Variants in SATB2 observed in about 807,000 individuals in gnomAD.
SATB2 encodes DNA-binding protein SATB2.
SATB2 carries 1 observed loss-of-function variant against 73.4 expected under a neutral mutation model. That is an observed-to-expected ratio of 0.01 (90% confidence interval 0.00 to 0.06). The LOEUF (loss-of-function observed/expected upper bound fraction) is 0.06. Among genes scored for constraint, SATB2 ranks in the 10% least tolerant of loss-of-function variants. SATB2 has a pLI of 1.00. For missense variants in SATB2, 459 were observed against 945.8 expected (o/e 0.49, Z 6.75); for synonymous variants, 397 against 367.0 (o/e 1.08, Z -0.93).
intron 5 of SATB2, among the ~76,000 whole-genome samples, chr2:199,380,081 G>A (rs527799082): frequency 1.3e-5 from 2 of 151,864 alleles, no homozygotes; most frequent in East Asian, 2.0e-4. Flanking sequence ...ATGGGGTTTC[G>A]CCATGTTACC....
At chr2:199,292,252 T>A (rs559901171) in intron 10 of SATB2, among the ~76,000 whole-genome samples, 13 of 152,242 alleles carry the variant, frequency 8.5e-5, no homozygotes, top group Non-Finnish European at 1.3e-4. Flanking sequence ...AGCAATTAAC[T>A]GAAAGGTTTT....
chr2:199,391,188 G>A (rs1425642663), intron 3 of SATB2, among the ~76,000 whole-genome samples: 1 of 152,102 alleles, frequency 6.6e-6, no homozygotes, highest in South Asian at 2.1e-4. Flanking sequence ...GCTCACGCCT[G>A]TAATCCCAGC....
chr2:199,334,669 T>A (rs1198489868), intron 7 of SATB2, among the ~76,000 whole-genome samples: 1 of 152,144 alleles, frequency 6.6e-6, no homozygotes, highest in Non-Finnish European at 1.5e-5. Context: ...AATATCTGTG[T>A]CCAGCTGACA....
chr2:199,448,009 T>C (rs1692011721), intron 2 of SATB2, among the ~76,000 whole-genome samples: 1 of 152,184 alleles, frequency 6.6e-6, no homozygotes, highest in Non-Finnish European at 1.5e-5. Context: ...AACTCTCCAC[T>C]GCCTCAGAAG....
At chr2:199,289,591 C>A (rs890334273) in intron 10 of SATB2, among the ~76,000 whole-genome samples, 2 of 151,552 alleles carry the variant, frequency 1.3e-5, no homozygotes, top group African/African-American at 2.4e-5. Context: ...GAAACTGGAA[C>A]TGTCAAGTTA....
At chr2:199,333,836 T>C (rs550422618) in intron 7 of SATB2, among the ~76,000 whole-genome samples, 6 of 152,262 alleles carry the variant, frequency 3.9e-5, no homozygotes, top group African/African-American at 1.4e-4. Flanking sequence ...TAATTGTAAC[T>C]TAATGAGGCA....
intron 5 of SATB2, among the ~76,000 whole-genome samples, chr2:199,377,713 T>C (rs574155378): frequency 3.3e-5 from 5 of 152,092 alleles, no homozygotes; most frequent in African/African-American, 1.2e-4. Context: ...TGAGGAATTA[T>C]AAACAAGGAA....
intron 7 of SATB2, among the ~76,000 whole-genome samples, chr2:199,338,004 A>C (rs1440137143): frequency 6.6e-6 from 1 of 152,184 alleles, no homozygotes; most frequent in African/African-American, 2.4e-5. Flanking sequence ...TCATACTGTA[A>C]ATATAACATC....
At chr2:199,417,648 AAGCTATC>A (rs1691033726) in intron 3 of SATB2, among the ~76,000 whole-genome samples, 1 of 152,180 alleles carries the variant, frequency 6.6e-6, no homozygotes, top group African/African-American at 2.4e-5. Context: ...ACTAATTACA[AAGCTATC>A]AGTGAATATT....
At chr2:199,357,490 T>G (rs1358494490) in intron 6 of SATB2, among the ~76,000 whole-genome samples, 1 of 152,202 alleles carries the variant, frequency 6.6e-6, no homozygotes, top group African/African-American at 2.4e-5. Flanking sequence ...CTGAATAATC[T>G]TAACTTTAAA....
chr2:199,465,821 T>C (rs1692582648), upstream of SATB2, among the ~76,000 whole-genome samples: 2 of 152,242 alleles, frequency 1.3e-5, no homozygotes, highest in South Asian at 4.1e-4. Flanking sequence ...TCCTTATCAA[T>C]GTTAGCCTAA....
intron 3 of SATB2, among the ~76,000 whole-genome samples, chr2:199,386,732 A>G (rs1421119131): frequency 6.4e-4 from 59 of 92,842 alleles, no homozygotes; most frequent in African/African-American, 1.6e-3. Flanking sequence ...ACACACACAC[A>G]CACACACACA....
chr2:199,428,972 C>T (rs920586936), intron 3 of SATB2, among the ~76,000 whole-genome samples: 3 of 145,732 alleles, frequency 2.1e-5, no homozygotes, highest in African/African-American at 5.1e-5. Flanking sequence ...TGCCAATGCA[C>T]TGCAGCCTGG....
intron 2 of SATB2, among the ~76,000 whole-genome samples, chr2:199,446,014 C>T (rs1046789797): frequency 2.0e-5 from 3 of 152,090 alleles, no homozygotes; most frequent in Non-Finnish European, 4.4e-5. Flanking sequence ...TCAAAAAGAT[C>T]ATATTAAGGA....
intron 10 of SATB2, among the ~76,000 whole-genome samples, chr2:199,280,040 T>C (rs994176103): frequency 5.3e-5 from 8 of 152,140 alleles, no homozygotes; most frequent in African/African-American, 1.9e-4. Context: ...ACTTGGGTGT[T>C]GCGGGAAGTC....
chr2:199,429,949 T>C (rs1691451649), intron 3 of SATB2, among the ~76,000 whole-genome samples: 1 of 152,188 alleles, frequency 6.6e-6, no homozygotes, highest in African/African-American at 2.4e-5. Flanking sequence ...CAGTCAATTT[T>C]AAAATTTATT....
At chr2:199,431,232 C>A (rs1321408907) in intron 3 of SATB2, among the ~76,000 whole-genome samples, 1 of 152,198 alleles carries the variant, frequency 6.6e-6, no homozygotes, top group Non-Finnish European at 1.5e-5. Context: ...AATTACCTGT[C>A]TTATCATGCA....
chr2:199,379,879 C>T (rs1484983172), intron 5 of SATB2, among the ~76,000 whole-genome samples: 1 of 87,190 alleles, frequency 1.1e-5, no homozygotes, highest in East Asian at 2.3e-4. Context: ...TCAATAAATG[C>T]TAATTTTTTT....
exon 1 of SATB2, chr2:199,471,179 G>C (rs143093239): frequency 6.6e-6 from 1 of 152,438 alleles, no homozygotes; most frequent in African/African-American, 2.4e-5. Flanking sequence ...CGCAGATACC[G>C]GGCAGGGAAG....
Sources: gnomAD v4.1 joint callset for allele counts (sites outside exome capture counted in the v4.1 genomes callset) on GRCh38, gnomAD v4.1.1 for gene constraint, MANE v1.5 for transcripts, NCBI Gene and HGNC (gene_info 2026-07-23, HGNC 2026-07-21) for gene names.